Variants in PRKDC observed in about 807,000 individuals in gnomAD.
PRKDC encodes the protein DNA-dependent protein kinase catalytic subunit.
PRKDC carries 82 observed loss-of-function variants against 486.9 expected under a neutral mutation model. The ratio of observed to expected loss-of-function variants is 0.17; its 90% confidence interval spans 0.14 to 0.20. The LOEUF is 0.20. PRKDC is among the 10% of genes least tolerant of loss of function. PRKDC has a pLI of 1.00. For synonymous variants in PRKDC, 1,895 were observed against 1,837.0 expected, an observed-to-expected ratio of 1.03 and a Z score of -0.81; for missense variants, 4,504 against 5,038.2, an observed-to-expected ratio of 0.89 and a Z score of 3.21.
At chr8:47,860,793 TC>T (rs1225903799) in intron 45 of PRKDC, 105 bp downstream of exon 45, 4 of 816,738 alleles carry the variant, frequency 4.9e-6, no homozygotes, top group Non-Finnish European at 7.6e-6. Flanking sequence ...TAAAGTATTT[TC>T]TATTTACATA....
At position 47,774,285 on chromosome 8, in the gene PRKDC, TG is replaced by T; in HGVS notation, c.12274del (p.Gln4092LysfsTer13). ...RGSKDHNIRAQEPESGLSEET... is the reference protein window; with the variant it reads ...RGSKDHNIRAXEPESGLSEET... ...TTCTGAAAGCCCACTCTCTGGTTCT[TG>T]GGCACGAATGTTGTGATCTTTGCTT... On this transcript the variant is annotated frameshift_variant, in exon 86 of 86. Transcript: ENST00000314191. LOFTEE classifies it high-confidence loss of function. The T allele has an allele frequency of 6.2e-7, 1 of 1,611,964 alleles. No homozygotes were observed. The highest frequency in any genetic ancestry group is 1.1e-5 in the South Asian group (1 of 90,298).
At chr8:47,801,072 T>C in intron 70 of PRKDC, 86 bp from the exon 71 acceptor site, 2 of 1,327,466 alleles carry the variant, frequency 1.5e-6, no homozygotes, top group South Asian at 1.3e-5. Flanking sequence ...TATAGAAGTT[T>C]TCTTTTCTTT....
chr8:47,956,862 G>GA lies in PRKDC; in HGVS notation c.324+308dup, dbSNP rs200015179. On this transcript the variant is annotated intron_variant, in intron 3 of 85. Coordinates refer to ENST00000314191, the MANE Select transcript of PRKDC (RefSeq NM_006904.7). Reference sequence around the variant, plus strand: ...CAGGGTGCCACTGCCACCTCCTCAGGAAAAAAAAGTATTAAGATAGTTATT... The same window carrying GA: ...CAGGGTGCCACTGCCACCTCCTCAGGAAAAAAAAAGTATTAAGATAGTTATT... 3.4e-3 allele frequency among the ~76,000 whole-genome samples: 496 copies of GA among 147,574 alleles called. 2 individuals carry two copies. Among genetic ancestry groups the GA allele is most frequent in the African/African-American group, 0.012 (477 of 40,172 alleles).
chr8:47,922,074 C>G (rs1476221174), intron 21 of PRKDC, among the ~76,000 whole-genome samples: 1 of 151,910 alleles, frequency 6.6e-6, no homozygotes, highest in East Asian at 1.9e-4. Flanking sequence ...AGCCACTGCA[C>G]CCAGCCTGAT....
Position 47,881,414 on chromosome 8 carries a change from AC to A in PRKDC, c.5067+1del. The A allele has an allele frequency of 6.8e-7, 1 of 1,469,602 alleles. No homozygotes were observed. Among genetic ancestry groups the A allele is most frequent in the Non-Finnish European group, 9.5e-7 (1 of 1,057,196 alleles). 91.0% of individuals were successfully genotyped at this position (1,469,602 alleles called of 1,614,324 possible). On this transcript the variant is annotated splice_donor_variant, in intron 38 of 85. Coordinates refer to ENST00000314191, the MANE Select transcript of PRKDC (RefSeq NM_006904.7). LOFTEE classifies it high-confidence loss of function. ...CAAAAAAATAAATATTTCACTGTTT[AC>A]CTTTAAATGTAGATCCAGCTTTGTG...
At position 47,834,402 on chromosome 8, in the gene PRKDC, A is replaced by G; in HGVS notation, c.7952-6T>C. The G allele has an allele frequency of 1.2e-6, 2 of 1,612,614 alleles. No individual in the cohort carries two copies. Among genetic ancestry groups the G allele is most frequent in the Non-Finnish European group, 1.7e-6 (2 of 1,179,640 alleles). On this transcript the variant is annotated splice_region_variant and splice_polypyrimidine_tract_variant and intron_variant, in intron 58 of 85. Coordinates refer to ENST00000314191, the MANE Select transcript of PRKDC (RefSeq NM_006904.7). The stretch of plus-strand genomic sequence containing the variant: ...ATCAAATGAGCTTCTTCCATCTGTG[A>G]CATGCAATCAGAGAGGTCAGGCACT...
intron 22 of PRKDC, among the ~76,000 whole-genome samples, chr8:47,916,410 A>C (rs2089983685): frequency 6.6e-6 from 1 of 152,064 alleles, no homozygotes; most frequent in Non-Finnish European, 1.5e-5. Flanking sequence ...CAGCCTGGGC[A>C]ACGTAGCGAG....
At chr8:47,959,268 G>A (rs542119839) in intron 1 of PRKDC, 1 of 152,196 alleles carries the variant, frequency 6.6e-6, no homozygotes, top group Admixed American at 6.5e-5. Flanking sequence ...CATTGCTAAA[G>A]AGTTAAAAGA....
rs1287939441 is a variant in PRKDC at position 47,793,891 on chromosome 8, TC to T, written c.10670+398del. On this transcript the variant is annotated intron_variant, in intron 74 of 85. Coordinates refer to ENST00000314191, the MANE Select transcript of PRKDC (RefSeq NM_006904.7). ...CGCACTACTGCTCACTCATCATCGGTCTCAACTCATAAATCCGTTTAAGAGT... is the reference window on the plus strand; with the variant it reads ...CGCACTACTGCTCACTCATCATCGGTTCAACTCATAAATCCGTTTAAGAGT... Among the ~76,000 whole-genome samples the T allele has an allele frequency of 8.5e-5, 13 of 152,248 alleles. 1 individual carries two copies. Among genetic ancestry groups the T allele is most frequent in the Middle Eastern group, 3.4e-3 (1 of 294 alleles).
chr8:47,817,620 A>G, intron 67 of PRKDC, 59 bp from the exon 68 acceptor site: 1 of 1,098,324 alleles, frequency 9.1e-7, no homozygotes, highest in Non-Finnish European at 1.3e-6. Flanking sequence ...TCAAATGACA[A>G]AGGTCATTAT....
chr8:47,879,581 C>T lies in PRKDC; in HGVS notation c.5145G>A (p.Glu1715=). The change falls in exon 39 of 86, where the codon GAG becomes GAA. Residue 1715 remains glutamate (E), a synonymous_variant. Coordinates refer to ENST00000314191, the MANE Select transcript of PRKDC (RefSeq NM_006904.7). ...GSLEELRRVL[E]QLIVAHFPMQ... is the part of the protein sequence containing the mutation. ...TGGGGAAGTGAGCAACGATGAGCTG[C>T]TCCAGAACACGTCTAAGTTCCTCCA... The T allele has an allele frequency of 6.3e-7, 1 of 1,596,716 alleles. No individual in the cohort carries two copies. Among genetic ancestry groups the T allele is most frequent in the Non-Finnish European group, 8.5e-7 (1 of 1,171,640 alleles).
chr8:47,887,514 G>A, intron 35 of PRKDC, 33 bp downstream of exon 35: 2 of 1,516,238 alleles, frequency 1.3e-6, no homozygotes, highest in African/African-American at 1.4e-5. Flanking sequence ...TCTATTATTA[G>A]GGGAGTGCAG....
At chr8:47,898,695 G>T in intron 28 of PRKDC, 126 bp from the exon 29 acceptor site, 1 of 527,436 alleles carries the variant, frequency 1.9e-6, no homozygotes, top group Non-Finnish European at 3.1e-6. Context: ...GATTTAATAT[G>T]TTTTCATCCC....
rs556147639 is a variant in PRKDC, at chr8:47,872,641, C to A, written c.5363+5083G>T. Among the ~76,000 whole-genome samples the A allele has an allele frequency of 2.2e-4, 34 of 152,084 alleles. No individual in the cohort carries two copies. The East Asian group carries it at 6.6e-3, about 29-fold the overall frequency. ...CCAAAACAGAGCAGGAGTAGCTGTA[C>A]TTACATCAGACAAAATAGATTTCAA... On this transcript the variant is annotated intron_variant, in intron 40 of 85. Coordinates refer to ENST00000314191, the MANE Select transcript of PRKDC (RefSeq NM_006904.7).
rs565638844 is a variant in PRKDC at position 47,826,768 on chromosome 8, G to C, written c.8671C>G (p.Arg2891Gly). The change falls in exon 63 of 86, where the codon CGC becomes GGC. Residue 2891 changes from arginine to glycine, a missense_variant. Around this residue, in one of 6 missense-constraint regions of PRKDC, gnomAD observed 1,592 missense variants for 1,724.6 expected, o/e 0.92. Coordinates refer to ENST00000314191, the MANE Select transcript of PRKDC (RefSeq NM_006904.7). ...CGGAGCAGAGCCTCCTCTAGCAGGC[G>C]GATGCCCACGGGCTGCTGTAGGCTG... The part of the protein sequence containing the change: ...LASLQQPVGI[R>G]LLEEALLRLL... 6.6e-5 allele frequency: 107 copies of C among 1,612,018 alleles called. 4 individuals carry two copies. In the South Asian group the frequency reaches 1.2e-3, roughly 17 times the overall value.
rs1282525654 is a variant in PRKDC at position 47,959,996 on chromosome 8, A to C, written c.131T>G (p.Leu44Arg). ...LIRGLGQECV[L>R]SSSPAVLALQ... ...ACCCAGCACCGCGGGGCTGCTGCTCAGGACGCATTCCTGCCCCAGGCCGCG... is the reference window on the plus strand; with the variant it reads ...ACCCAGCACCGCGGGGCTGCTGCTCCGGACGCATTCCTGCCCCAGGCCGCG... Residue 44 changes from leucine to arginine, a missense_variant, in exon 1 of 86, where the codon CTG becomes CGG. By Grantham distance (102) the Leu-to-Arg change is moderately radical. This residue lies in a region of PRKDC where 145 missense variants were observed against 136.3 expected (regional missense o/e 1.06). Coordinates refer to ENST00000314191, the MANE Select transcript of PRKDC (RefSeq NM_006904.7). 2 of 1,534,798 alleles carry C rather than the reference A, an allele frequency of 1.3e-6. No individual in the cohort carries two copies. Among genetic ancestry groups the C allele is most frequent in the Non-Finnish European group, 1.7e-6 (2 of 1,146,638 alleles).
rs184877463 is a variant in PRKDC, at chr8:47,904,026, G to A, written c.3042+843C>T. On this transcript the variant is annotated intron_variant, in intron 26 of 85. Transcript: ENST00000314191. ...GCAGCATAACCAGGGCTGTGCAGGAGACATAAACTTATTTGCACAGGTTCA... is the reference window on the plus strand; with the variant it reads ...GCAGCATAACCAGGGCTGTGCAGGAAACATAAACTTATTTGCACAGGTTCA... 3.3e-5 allele frequency among the ~76,000 whole-genome samples: 5 copies of A among 152,204 alleles called. No individual in the cohort carries two copies. The East Asian group carries it at 9.7e-4, about 29-fold the overall frequency.
At position 47,857,302 on chromosome 8, in the gene PRKDC, A is replaced by G. The variant is rs1377943778; in HGVS notation, c.6466-3T>C. On this transcript the variant is annotated splice_region_variant and splice_polypyrimidine_tract_variant and intron_variant, in intron 48 of 85. Transcript: ENST00000314191. ...TGCTTCGCGTAAGGGCGAAAGACCT[A>G]CAAGAGGATGTAAAAGTCAAACATC... The G allele has an allele frequency of 3.1e-6, 5 of 1,602,512 alleles. No individual in the cohort carries two copies. Among genetic ancestry groups the G allele is most frequent in the Non-Finnish European group, 4.3e-6 (5 of 1,175,868 alleles).
rs2088439353 is a variant in PRKDC, at chr8:47,852,762, T to C, written c.6916A>G (p.Asn2306Asp). 1 of 1,571,344 alleles carries C rather than the reference T, an allele frequency of 6.4e-7. No homozygotes were observed. Among genetic ancestry groups the C allele is most frequent in the Non-Finnish European group, 8.6e-7 (1 of 1,156,778 alleles). The change falls in exon 52 of 86, where the codon AAT becomes GAT. Residue 2306 changes from asparagine (N) to aspartate (D), a missense_variant. Around this residue, in one of 6 missense-constraint regions of PRKDC, gnomAD observed 1,592 missense variants for 1,724.6 expected, o/e 0.92. Coordinates refer to ENST00000314191, the MANE Select transcript of PRKDC (RefSeq NM_006904.7). ...SSEYFQALVN[N>D]MSFVRYKEVY... ...TCTTTATATCTTACAAAGGACATAT[T>C]ATTCACCAAAGCCTGGAAGTATCTA...
Sources: allele counts gnomAD v4.1 joint callset (sites outside exome capture counted in the v4.1 genomes callset), GRCh38; gene constraint gnomAD v4.1.1; regional missense constraint gnomAD v4.1.1; transcripts MANE v1.5; gene names NCBI Gene and HGNC (gene_info 2026-07-23, HGNC 2026-07-21).